Variants in EXOC1 observed in about 807,000 individuals in gnomAD.
The protein encoded by EXOC1 is SEC3-like 1.
EXOC1 carries 67 observed loss-of-function variants against 107.7 expected under a neutral mutation model. That is an observed-to-expected ratio of 0.62 (90% CI 0.51 to 0.76). The LOEUF is 0.76. Among genes scored for constraint, EXOC1 ranks in the 30% least tolerant of loss-of-function variants. The probability of loss-of-function intolerance (pLI) is 0.00; values close to 1 mark genes in which losing one functional copy is unlikely to be tolerated. For missense variants in EXOC1, 833 were observed against 1,055.7 expected (o/e 0.79, Z 2.92); for synonymous variants, 348 against 353.5 (o/e 0.98, Z 0.17).
At chr4:55,869,660 TC>T (rs758380959) in intron 5 of EXOC1, among the ~76,000 whole-genome samples, 31 of 152,246 alleles carry the variant, frequency 2.0e-4, no homozygotes, top group Non-Finnish European at 3.5e-4. Flanking sequence ...AAGGAAGAAA[TC>T]CTGGGCAGAT....
intron 8 of EXOC1, chr4:55,876,490 A>G: frequency 1.4e-6 from 1 of 734,720 alleles, no homozygotes; most frequent in Non-Finnish European, 1.7e-6. Flanking sequence ...ATGTCAGTTC[A>G]GGTCACATTT....
rs368927963 is a variant in EXOC1, at chr4:55,883,947, G to T, written c.1330+19G>T. The T allele has an allele frequency of 6.6e-7, 1 of 1,520,944 alleles. No homozygotes were observed. The highest frequency in any genetic ancestry group is 9.0e-7 in the Non-Finnish European group (1 of 1,114,354). The allele number at this position is 1,520,944 out of a possible 1,614,324, so 94.2% of individuals were successfully genotyped here. A position where few individuals can be genotyped will look rare whatever the true frequency, so the allele number is the denominator to read the frequency against. ...AAGTTTGGTAAGCTTAGGCATGTCA[G>T]TTCATTATCTTCCTATTAAAAATGG... On this transcript the variant is annotated intron_variant, in intron 10 of 18. Transcript: ENST00000381295.
chr4:55,870,631 TG>T, intron 5 of EXOC1, 46 bp from the exon 6 acceptor site: 1 of 1,406,066 alleles, frequency 7.1e-7, no homozygotes, highest in Non-Finnish European at 9.9e-7. Context: ...GTATGTTTTT[TG>T]TTTGTTTGTT....
chr4:55,870,163 T>C (rs918746997), intron 5 of EXOC1, among the ~76,000 whole-genome samples: 2 of 152,242 alleles, frequency 1.3e-5, no homozygotes, highest in Admixed American at 6.5e-5. Context: ...ACTACAGTTA[T>C]AAATTAGTTT....
intron 9 of EXOC1, among the ~76,000 whole-genome samples, chr4:55,879,342 A>G (rs1009913145): frequency 1.3e-5 from 2 of 152,190 alleles, no homozygotes; most frequent in African/African-American, 4.8e-5. Context: ...AGGGCGTGGG[A>G]TAAGGATTTC....
chr4:55,863,046 A>T (rs969184637), intron 3 of EXOC1, among the ~76,000 whole-genome samples: 4 of 151,990 alleles, frequency 2.6e-5, no homozygotes, highest in Non-Finnish European at 4.4e-5. Context: ...GACTACACGT[A>T]CATGCCACTA....
In EXOC1 at chr4:55,877,125, G is replaced by T. The variant is rs572022618; in HGVS notation, c.1075-792G>T. On this transcript the variant is annotated intron_variant, in intron 8 of 18. Coordinates refer to ENST00000381295, the MANE Select transcript of EXOC1 (RefSeq NM_001024924.2). ...GAAAGAAATCCCTTTTAACTTAAAA[G>T]AATTTAAATTCAGGACGCTTATTTA... The T allele has an allele frequency of 5.1e-6, 5 of 975,586 alleles. No individual in the cohort carries two copies. The South Asian group carries it at 1.4e-4, about 28-fold the overall frequency. The allele number at this position is 975,586 out of a possible 1,614,324, so 60.4% of individuals were successfully genotyped here. A position where few individuals can be genotyped will look rare whatever the true frequency, so the allele number is the denominator to read the frequency against.
intron 5 of EXOC1, chr4:55,868,843 C>G (rs1722184912): frequency 9.8e-6 from 2 of 203,094 alleles, no homozygotes; most frequent in African/African-American, 4.6e-5. Context: ...CTGAATAGTT[C>G]AGTGCCAAAG....
chr4:55,891,456 T>G, intron 13 of EXOC1, 34 bp downstream of exon 13: 1 of 1,355,934 alleles, frequency 7.4e-7, no homozygotes, highest in Non-Finnish European at 1.1e-6. Flanking sequence ...ATAGTATTTA[T>G]GATCTGTAAT....
Position 55,881,907 on chromosome 4 carries a change from G to A in EXOC1, c.1225-1916G>A, listed in dbSNP as rs145290585. On this transcript the variant is annotated intron_variant, in intron 9 of 18. Transcript: ENST00000381295. ...AAGTAAACCATGGAGACCCTACAGC[G>A]GACCCAGGTTCCACTGCTTGCTACT... 8.0e-3 allele frequency among the ~76,000 whole-genome samples: 1,215 copies of A among 152,094 alleles called. 7 individuals carry two copies. Among genetic ancestry groups the A allele is most frequent in the African/African-American group, 0.027 (1,119 of 41,480 alleles).
intron 8 of EXOC1, chr4:55,876,581 T>G: frequency 1.0e-6 from 1 of 984,836 alleles, no homozygotes; most frequent in Non-Finnish European, 1.2e-6. Context: ...AAAGGGATTA[T>G]GGACCTATTA....
intron 16 of EXOC1, among the ~76,000 whole-genome samples, 182 bp downstream of exon 16, chr4:55,897,082 T>C (rs1466421680): frequency 1.3e-5 from 2 of 152,128 alleles, no homozygotes; most frequent in East Asian, 3.8e-4. Context: ...ATGAACCACT[T>C]ACATTTTAGG....
rs28702867 is a variant in EXOC1, at chr4:55,898,579, T to A, written c.2138-1106T>A. On this transcript the variant is annotated intron_variant, in intron 16 of 18. Coordinates refer to ENST00000381295, the MANE Select transcript of EXOC1 (RefSeq NM_001024924.2). ...TTTCAAATCAAGAAGAAAGTAAAGA[T>A]CATTTTTAATCTTGTTGTACAGAGA... 7.2e-3 allele frequency among the ~76,000 whole-genome samples: 1,095 copies of A among 152,332 alleles called. 16 individuals carry two copies. Among genetic ancestry groups the A allele is most frequent in the African/African-American group, 0.025 (1,050 of 41,584 alleles).
intron 1 of EXOC1, among the ~76,000 whole-genome samples, 158 bp downstream of exon 1, chr4:55,854,111 C>T (rs1720722505): frequency 1.3e-5 from 2 of 152,116 alleles, no homozygotes; most frequent in Admixed American, 1.3e-4. Flanking sequence ...AGCTCTTTGG[C>T]GTGGTCCAGG....
intron 18 of EXOC1, 108 bp downstream of exon 18, chr4:55,902,646 A>G: frequency 1.2e-6 from 1 of 819,264 alleles, no homozygotes; most frequent in Non-Finnish European, 1.7e-6. Flanking sequence ...GGAGAGTTCC[A>G]TTAGAGTACA....
At chr4:55,899,333 T>A (rs1432868386) in intron 16 of EXOC1, among the ~76,000 whole-genome samples, 1 of 152,148 alleles carries the variant, frequency 6.6e-6, no homozygotes, top group African/African-American at 2.4e-5. Context: ...TTAAATAATT[T>A]AGCAATTTAG....
chr4:55,865,108 C>T (rs1264678587), intron 4 of EXOC1, among the ~76,000 whole-genome samples: 2 of 152,022 alleles, frequency 1.3e-5, no homozygotes, highest in Non-Finnish European at 2.9e-5. Context: ...AAGAACAGTG[C>T]CAGGTACATA....
intron 13 of EXOC1, among the ~76,000 whole-genome samples, chr4:55,892,224 T>C (rs527542452): frequency 1.3e-5 from 2 of 152,332 alleles, no homozygotes; most frequent in African/African-American, 2.4e-5. Flanking sequence ...ATTTTTTTAA[T>C]GCTGAAGTTC....
At position 55,893,400 on chromosome 4, in the gene EXOC1, G is replaced by GT; in HGVS notation, c.1725-151dup. The stretch of plus-strand genomic sequence containing the variant: ...CTCTCAAAGTGCTGGGATTACAGGC[G>GT]TGAGCCACCACGCCTGGCTATTTAG... On this transcript the variant is annotated intron_variant, in intron 14 of 18. Coordinates refer to ENST00000381295, the MANE Select transcript of EXOC1 (RefSeq NM_001024924.2). The GT allele has an allele frequency of 4.2e-6, 3 of 719,606 alleles. No homozygotes were observed. The South Asian group carries it at 5.8e-5, about 14-fold the overall frequency. 44.6% of individuals were successfully genotyped at this position (719,606 alleles called of 1,614,324 possible). A position where few individuals can be genotyped will look rare whatever the true frequency, so the allele number is the denominator to read the frequency against.
Sources: allele counts gnomAD v4.1 joint callset (sites outside exome capture counted in the v4.1 genomes callset), GRCh38; gene constraint gnomAD v4.1.1; transcripts MANE v1.5; gene names NCBI Gene and HGNC (gene_info 2026-07-23, HGNC 2026-07-21).